SLC35F1: variants seen among roughly 807,000 people sequenced by gnomAD.
SLC35F1 encodes solute carrier family 35 member F1.
In SLC35F1, 14 loss-of-function variants were observed where a neutral mutation model predicts 48.7. That is an observed-to-expected ratio of 0.29 (90% CI 0.19 to 0.45). The LOEUF (loss-of-function observed/expected upper bound fraction) is 0.45. Among genes scored for constraint, SLC35F1 ranks in the 20% least tolerant of loss-of-function variants. The pLI is 1.00. For missense variants in SLC35F1, 404 were observed against 500.0 expected, an observed-to-expected ratio of 0.81 and a Z score of 1.83; for synonymous variants, 190 against 202.2, an observed-to-expected ratio of 0.94 and a Z score of 0.51.
chr6:118,306,908 A>G (rs1015082758), intron 7 of SLC35F1, among the ~76,000 whole-genome samples: 5 of 152,246 alleles, frequency 3.3e-5, no homozygotes, highest in African/African-American at 1.2e-4. Context: ...ATATTTGCCT[A>G]TAAAAGAGCT....
intron 2 of SLC35F1, among the ~76,000 whole-genome samples, chr6:118,172,384 T>A (rs537661044): frequency 3.7e-4 from 57 of 152,290 alleles, no homozygotes; most frequent in Non-Finnish European, 7.6e-4. Context: ...GTCACCTACA[T>A]ATGGTTTTCT....
At chr6:118,149,603 C>T (rs1051679247) in intron 1 of SLC35F1, among the ~76,000 whole-genome samples, 4 of 152,180 alleles carry the variant, frequency 2.6e-5, no homozygotes, top group Middle Eastern at 6.3e-3. Flanking sequence ...AGGAAAAAGA[C>T]TCATGAACTA....
At chr6:118,019,421 A>G (rs1314007604) in intron 1 of SLC35F1, among the ~76,000 whole-genome samples, 2 of 152,180 alleles carry the variant, frequency 1.3e-5, no homozygotes, top group Admixed American at 6.5e-5. Context: ...CAGAAGTTCA[A>G]GACTAGCCTG....
chr6:118,233,938 C>T (rs1250464169), intron 2 of SLC35F1, among the ~76,000 whole-genome samples: 1 of 152,186 alleles, frequency 6.6e-6, no homozygotes, highest in Non-Finnish European at 1.5e-5. Context: ...ACCCTTCTCT[C>T]CTATTGTCAA....
At chr6:118,052,579 A>G (rs1450539305) in intron 1 of SLC35F1, among the ~76,000 whole-genome samples, 1 of 152,218 alleles carries the variant, frequency 6.6e-6, no homozygotes, top group Non-Finnish European at 1.5e-5. Context: ...ATCAGATATT[A>G]TCACCTTCTT....
intron 3 of SLC35F1, among the ~76,000 whole-genome samples, chr6:118,243,313 T>C (rs536673896): frequency 1.3e-5 from 2 of 152,310 alleles, no homozygotes; most frequent in East Asian, 3.9e-4. Flanking sequence ...TATTACTTTA[T>C]TGATTAAGAA....
At chr6:117,908,064 C>T (rs1339875344) in intron 1 of SLC35F1, among the ~76,000 whole-genome samples, 165 bp downstream of exon 1, 3 of 152,186 alleles carry the variant, frequency 2.0e-5, no homozygotes, top group African/African-American at 7.2e-5. Flanking sequence ...GCAGAGAGGC[C>T]GCGGCAGCTT....
intron 1 of SLC35F1, among the ~76,000 whole-genome samples, chr6:117,957,394 A>G (rs1455467237): frequency 6.6e-6 from 1 of 152,226 alleles, no homozygotes; most frequent in Non-Finnish European, 1.5e-5. Flanking sequence ...AAAACATTGT[A>G]ATGGTACTGA....
At chr6:117,996,822 GAA>G (rs1294722273) in intron 1 of SLC35F1, among the ~76,000 whole-genome samples, 18 of 152,276 alleles carry the variant, frequency 1.2e-4, no homozygotes, top group Admixed American at 1.2e-3. Flanking sequence ...CAAAGATGGG[GAA>G]AAAACAGAGC....
chr6:118,116,305 G>T (rs565897658), intron 1 of SLC35F1, among the ~76,000 whole-genome samples: 2 of 152,320 alleles, frequency 1.3e-5, no homozygotes, highest in South Asian at 4.1e-4. Flanking sequence ...ACCTAGAGAA[G>T]CAGATGACAC....
At chr6:118,285,589 A>G (rs1776039345) in intron 7 of SLC35F1, among the ~76,000 whole-genome samples, 1 of 152,216 alleles carries the variant, frequency 6.6e-6, no homozygotes, top group South Asian at 2.1e-4. Context: ...GAGCTTTTGA[A>G]TACTGGGGAC....
chr6:118,014,656 T>G (rs967476445), intron 1 of SLC35F1, among the ~76,000 whole-genome samples: 3 of 152,036 alleles, frequency 2.0e-5, no homozygotes, highest in Non-Finnish European at 2.9e-5. Context: ...GGAGCAGAAG[T>G]TGGAGGTTAA....
chr6:118,007,521 C>A (rs776023059), intron 1 of SLC35F1, among the ~76,000 whole-genome samples: 34 of 152,252 alleles, frequency 2.2e-4, no homozygotes, highest in Non-Finnish European at 4.0e-4. Context: ...TCCAAGCATA[C>A]CCCTGAGTTC....
intron 1 of SLC35F1, among the ~76,000 whole-genome samples, chr6:118,109,958 A>G (rs1473505999): frequency 2.0e-5 from 3 of 152,222 alleles, no homozygotes. Flanking sequence ...GACACTTTGG[A>G]AACACAGCCA....
intron 2 of SLC35F1, among the ~76,000 whole-genome samples, chr6:118,162,433 T>C (rs1244759530): frequency 6.6e-6 from 1 of 152,184 alleles, no homozygotes; most frequent in East Asian, 1.9e-4. Context: ...AAATGTTCTG[T>C]GTATCTCGAT....
chr6:118,086,629 C>T (rs921014724), intron 1 of SLC35F1, among the ~76,000 whole-genome samples: 22 of 152,192 alleles, frequency 1.4e-4, no homozygotes, highest in African/African-American at 5.3e-4. Flanking sequence ...CCACCTCCAG[C>T]CTCCTTTGTT....
chr6:117,987,294 C>T (rs1337712934), intron 1 of SLC35F1, among the ~76,000 whole-genome samples: 9 of 123,920 alleles, frequency 7.3e-5, no homozygotes, highest in African/African-American at 2.5e-4. Flanking sequence ...TCCTTCTTTC[C>T]CTTCTTTTTT....
At chr6:118,222,813 T>C (rs1275000373) in intron 2 of SLC35F1, among the ~76,000 whole-genome samples, 1 of 152,230 alleles carries the variant, frequency 6.6e-6, no homozygotes, top group Non-Finnish European at 1.5e-5. Flanking sequence ...CTCTCCAGGT[T>C]GGCCACTGAG....
intron 1 of SLC35F1, among the ~76,000 whole-genome samples, chr6:117,955,949 C>T (rs1337020699): frequency 6.6e-6 from 1 of 152,210 alleles, no homozygotes; most frequent in Non-Finnish European, 1.5e-5. Flanking sequence ...GGAAGTTCAT[C>T]TTCCAATGCC....
Sources: gnomAD v4.1 joint callset for allele counts (sites outside exome capture counted in the v4.1 genomes callset) on GRCh38, gnomAD v4.1.1 for gene constraint, MANE v1.5 for transcripts, NCBI Gene and HGNC (gene_info 2026-07-23, HGNC 2026-07-21) for gene names.